The following DEGS2 variants were observed in gnomAD, a reference collection of about 807,000 sequenced individuals.
DEGS2 encodes delta 4-desaturase, sphingolipid 2, also known as sphingolipid delta(4)-desaturase/C4-monooxygenase DES2.
DEGS2 carries 19 observed loss-of-function variants against 23.8 expected under a neutral mutation model. The observed-to-expected ratio is 0.80, with a 90% CI of 0.56 to 1.17. The LOEUF (loss-of-function observed/expected upper bound fraction) is 1.17, where lower values mean the gene tolerates loss of function less well. DEGS2 is among the 50% of genes most tolerant of loss of function. DEGS2 has a pLI of 0.00. For synonymous variants in DEGS2, 218 were observed against 213.7 expected, an observed-to-expected ratio of 1.02 and a Z score of -0.18; for missense variants, 390 against 459.5, an observed-to-expected ratio of 0.85 and a Z score of 1.38.
At chr14:100,152,241 C>T (rs528013068) in intron 1 of DEGS2, among the ~76,000 whole-genome samples, 5 of 151,718 alleles carry the variant, frequency 3.3e-5, no homozygotes, top group African/African-American at 4.8e-5. Flanking sequence ...CACCAGAGGA[C>T]GGCAGGATGG....
chr14:100,147,039 GCA>G (rs1340410197), intron 2 of DEGS2, 132 bp from the exon 3 acceptor site: 63 of 1,041,758 alleles, frequency 6.0e-5, no homozygotes, highest in Non-Finnish European at 8.1e-5. Flanking sequence ...TTGCGCGCGC[GCA>G]CACCCACACA....
Position 100,146,482 on chromosome 14 carries a change from A to C in DEGS2, c.*279T>G. The C allele has an allele frequency of 2.3e-6, 1 of 430,202 alleles. No homozygotes were observed. 26.6% of individuals were successfully genotyped at this position (430,202 alleles called of 1,614,324 possible). A position where few individuals can be genotyped will look rare whatever the true frequency, so the allele number is the denominator to read the frequency against. On this transcript the variant is annotated 3_prime_UTR_variant, in exon 3 of 3. Coordinates refer to ENST00000305631, the MANE Select transcript of DEGS2 (RefSeq NM_206918.3). The stretch of plus-strand genomic sequence containing the variant: ...CCCCGGAGAAGTCAGCTCCGTGGGA[A>C]CCGTGGGCTCAGAGCACCCAGGTCA...
At chr14:100,153,753 G>C (rs1889613449) in intron 1 of DEGS2, among the ~76,000 whole-genome samples, 1 of 151,834 alleles carries the variant, frequency 6.6e-6, no homozygotes, top group Non-Finnish European at 1.5e-5. Context: ...CAGCCACCTG[G>C]AACCAAGATA....
chr14:100,166,426 C>T, the DEGS2 span, among the ~76,000 whole-genome samples: 1 of 150,822 alleles, frequency 6.6e-6, no homozygotes, highest in Non-Finnish European at 1.5e-5. Flanking sequence ...ACCCCCGCCC[C>T]CACAGGGACC....
upstream of DEGS2, among the ~76,000 whole-genome samples, chr14:100,164,196 G>T (rs954334026): frequency 1.4e-4 from 21 of 151,872 alleles, no homozygotes; most frequent in African/African-American, 5.1e-4. Context: ...GCCTCCCAAA[G>T]TGCTGGGATT....
intron 1 of DEGS2, among the ~76,000 whole-genome samples, chr14:100,158,049 T>C (rs1332079742): frequency 7.4e-6 from 1 of 135,884 alleles, no homozygotes; most frequent in Non-Finnish European, 1.5e-5. Flanking sequence ...ATCGCATCAC[T>C]GCACTCCGGT....
intron 1 of DEGS2, among the ~76,000 whole-genome samples, chr14:100,152,881 A>AATGGATGG (rs138869050): frequency 2.8e-4 from 42 of 149,240 alleles, no homozygotes; most frequent in African/African-American, 4.9e-4. Flanking sequence ...CCCCTCTTCG[A>AATGGATGG]ATGGATGGAT....
chr14:100,164,990 A>G, the DEGS2 span, among the ~76,000 whole-genome samples: 1 of 152,180 alleles, frequency 6.6e-6, no homozygotes, highest in Admixed American at 6.5e-5. Context: ...GGTGGTAATA[A>G]AAAATGAATT....
At chr14:100,165,637 C>T in the DEGS2 span, among the ~76,000 whole-genome samples, 1 of 152,260 alleles carries the variant, frequency 6.6e-6, no homozygotes, top group Admixed American at 6.5e-5. Flanking sequence ...CTGTGGACGC[C>T]TCTCCGCTCC....
rs752385951 is a variant in DEGS2, at chr14:100,146,732, A to G, written c.*29T>C. ...CAAGGCTGAGGGGCCGATGGGGGACAATGGCCACCACCAGGAGGCAGCCCG... is the reference window on the plus strand; with the variant it reads ...CAAGGCTGAGGGGCCGATGGGGGACGATGGCCACCACCAGGAGGCAGCCCG... On this transcript the variant is annotated 3_prime_UTR_variant, in exon 3 of 3. Transcript: ENST00000305631. 19 of 1,609,984 alleles carry G rather than the reference A, an allele frequency of 1.2e-5. No homozygotes were observed. Among genetic ancestry groups the G allele is most frequent in the Non-Finnish European group, 1.6e-5 (19 of 1,178,048 alleles).
chr14:100,159,258 C>G (rs1468267280), intron 1 of DEGS2, among the ~76,000 whole-genome samples: 3 of 152,216 alleles, frequency 2.0e-5, no homozygotes, highest in Admixed American at 2.0e-4. Context: ...CTGGGACGCG[C>G]TCCCTGGCGC....
At chr14:100,158,679 C>T (rs1490309145) in intron 1 of DEGS2, among the ~76,000 whole-genome samples, 43 of 139,918 alleles carry the variant, frequency 3.1e-4, no homozygotes, top group Admixed American at 3.0e-3. Context: ...GCGGTGCTGA[C>T]TTAGGCAGGG....
chr14:100,161,751 C>G (rs936108636), upstream of DEGS2, among the ~76,000 whole-genome samples: 6 of 152,154 alleles, frequency 3.9e-5, no homozygotes, highest in Admixed American at 6.5e-5. Context: ...CACAGTTTTT[C>G]TGTAAATATA....
intron 2 of DEGS2, among the ~76,000 whole-genome samples, chr14:100,147,670 C>A (rs1889476650): frequency 7.8e-6 from 1 of 128,044 alleles, no homozygotes. Flanking sequence ...CCCCCCCCCC[C>A]AGGATGCCTT....
intron 2 of DEGS2, among the ~76,000 whole-genome samples, chr14:100,148,480 C>T (rs769097092): frequency 6.6e-6 from 1 of 152,214 alleles, no homozygotes; most frequent in Non-Finnish European, 1.5e-5. Context: ...AGCTCCCAGT[C>T]TCCTAAGGCA....
chr14:100,148,902 GC>G, intron 2 of DEGS2, 65 bp downstream of exon 2: 2 of 1,535,580 alleles, frequency 1.3e-6, no homozygotes. Context: ...CCCTTCCAGG[GC>G]CCCCACCTCC....
chr14:100,144,896 C>T lies in DEGS2; in HGVS notation c.*1865G>A, dbSNP rs895523223. ...GGACCCAGTGGCTGATCTCAAGGGC[C>T]GGCTCCTAGCACACTGCACGTTGTT... On this transcript the variant is annotated 3_prime_UTR_variant, in exon 3 of 3. Transcript: ENST00000305631. 2.6e-5 allele frequency: 4 copies of T among 152,268 alleles called. No individual in the cohort carries two copies. Among genetic ancestry groups the T allele is most frequent in the African/African-American group, 9.6e-5 (4 of 41,454 alleles). The allele number at this position is 152,268 out of a possible 1,614,324, so 9.4% of individuals were successfully genotyped here. A position where few individuals can be genotyped will look rare whatever the true frequency, so the allele number is the denominator to read the frequency against.
At chr14:100,159,406 GC>G in intron 1 of DEGS2, 99 bp downstream of exon 1, 1 of 967,286 alleles carries the variant, frequency 1.0e-6, no homozygotes, top group South Asian at 2.0e-5. Flanking sequence ...TGGAATTTGG[GC>G]CAGAGCTGGA....
chr14:100,146,878 G>A lies in DEGS2; in HGVS notation c.855C>T (p.Asp285=), dbSNP rs1287962991. 1.2e-6 allele frequency: 2 copies of A among 1,613,580 alleles called. No individual in the cohort carries two copies. The highest frequency in any genetic ancestry group is 1.7e-4 in the Middle Eastern group (1 of 6,060). ...CCCAGGAGTGGTGCTGCGGCAGGTG[G>A]TCGTAGTACTCGGGCGCGATCTTCC... The part of the protein sequence containing the change: ...LVRKIAPEYY[D]HLPQHHSWVK... The change falls in exon 3 of 3, where the codon GAC becomes GAT. Residue 285 remains aspartate (D), a synonymous_variant. Coordinates refer to ENST00000305631, the MANE Select transcript of DEGS2 (RefSeq NM_206918.3).
Sources: gnomAD v4.1 joint callset for allele counts (sites outside exome capture counted in the v4.1 genomes callset) on GRCh38, gnomAD v4.1.1 for gene constraint, MANE v1.5 for transcripts, NCBI Gene and HGNC (gene_info 2026-07-23, HGNC 2026-07-21) for gene names.